Variants in CRPPA observed in about 807,000 individuals in gnomAD.
CRPPA encodes CDP-L-ribitol pyrophosphorylase A, also known as D-ribitol-5-phosphate cytidylyltransferase.
In CRPPA, 43 loss-of-function variants were observed where a neutral mutation model predicts 52.0. The observed-to-expected ratio is 0.83, with a 90% CI of 0.65 to 1.07. The LOEUF is 1.07. Among genes scored for constraint, CRPPA ranks in the 50% least tolerant of loss-of-function variants. The probability of loss-of-function intolerance (pLI) is 0.00; values close to 1 mark genes in which losing one functional copy is unlikely to be tolerated. For missense variants in CRPPA, 629 were observed against 551.7 expected (o/e 1.14, Z -1.40); for synonymous variants, 250 against 203.5 (o/e 1.23, Z -1.94).
rs183103572 is a variant in CRPPA at position 16,134,072 on chromosome 7, C to A, written c.1252-42273G>T. 7.1e-3 allele frequency among the ~76,000 whole-genome samples: 880 copies of A among 123,892 alleles called. 128 individuals carry two copies. Among genetic ancestry groups the A allele is most frequent in the African/African-American group, 0.022 (849 of 38,246 alleles). The allele number at this position is 123,892 out of a possible 152,430, so 81.3% of individuals were successfully genotyped here. ...TCAGCCTCCCGAGCAGCTGGGACTA[C>A]AGGCGCCCGCCACCACGCCCGGCTA... On this transcript the variant is annotated intron_variant, in intron 9 of 9. Coordinates refer to ENST00000407010, the MANE Select transcript of CRPPA (RefSeq NM_001101426.4).
intron 3 of CRPPA, among the ~76,000 whole-genome samples, chr7:16,356,953 A>T (rs1164283509): frequency 1.3e-5 from 2 of 152,296 alleles, no homozygotes; most frequent in East Asian, 3.9e-4. Context: ...GTTCTCTGGG[A>T]TATCAATGAA....
At chr7:16,143,703 G>C (rs894175619) in intron 9 of CRPPA, among the ~76,000 whole-genome samples, 8 of 152,176 alleles carry the variant, frequency 5.3e-5, no homozygotes, top group African/African-American at 1.9e-4. Flanking sequence ...ATTAGCAATG[G>C]AAAGAGCAAT....
intron 9 of CRPPA, among the ~76,000 whole-genome samples, chr7:16,184,838 T>C (rs1781475320): frequency 6.6e-6 from 1 of 152,208 alleles, no homozygotes; most frequent in Admixed American, 6.5e-5. Context: ...ATATTTCCCA[T>C]GTTTCTCATA....
chr7:16,246,621 T>C (rs979048827), intron 8 of CRPPA, among the ~76,000 whole-genome samples: 1 of 152,196 alleles, frequency 6.6e-6, no homozygotes, highest in Non-Finnish European at 1.5e-5. Context: ...CGAATAAATG[T>C]TGTGTTAGCA....
At chr7:16,150,180 C>A (rs1783050062) in intron 9 of CRPPA, among the ~76,000 whole-genome samples, 1 of 151,932 alleles carries the variant, frequency 6.6e-6, no homozygotes, top group East Asian at 1.9e-4. Flanking sequence ...TTTAAATGAG[C>A]AAAATGCCTT....
intron 9 of CRPPA, among the ~76,000 whole-genome samples, chr7:16,173,930 C>T (rs2128385967): frequency 6.6e-6 from 1 of 152,156 alleles, no homozygotes; most frequent in South Asian, 2.1e-4. Context: ...AAGTAGCTTA[C>T]TATATTGAGA....
At chr7:16,131,038 T>C (rs1379868486) in intron 9 of CRPPA, among the ~76,000 whole-genome samples, 1 of 152,232 alleles carries the variant, frequency 6.6e-6, no homozygotes, top group East Asian at 1.9e-4. Context: ...CACCTTGAAC[T>C]TGCCAGTTTC....
At chr7:16,305,891 A>G (rs562276833) in intron 4 of CRPPA, among the ~76,000 whole-genome samples, 104 of 152,256 alleles carry the variant, frequency 6.8e-4, no homozygotes, top group Non-Finnish European at 1.3e-3. Flanking sequence ...AAACAAACAA[A>G]CAAAAAAATT....
At chr7:16,359,631 G>C (rs1460646608) in intron 3 of CRPPA, among the ~76,000 whole-genome samples, 4 of 152,158 alleles carry the variant, frequency 2.6e-5, no homozygotes, top group Admixed American at 2.6e-4. Context: ...ATGCCTTTCA[G>C]TTAATTTTTA....
chr7:16,192,205 G>A (rs6976322), intron 9 of CRPPA, among the ~76,000 whole-genome samples: 44,809 of 151,878 alleles, frequency 0.3, 6,974 homozygotes, highest in East Asian at 0.51. Flanking sequence ...AGAGAACAGA[G>A]GCATCCTCTC....
At chr7:16,214,693 A>T (rs1373279819) in intron 9 of CRPPA, among the ~76,000 whole-genome samples, 1 of 152,048 alleles carries the variant, frequency 6.6e-6, no homozygotes, top group African/African-American at 2.4e-5. Flanking sequence ...TTTTGTAGAG[A>T]CAAGGGTTTC....
At chr7:16,330,827 C>T (rs62441911) in intron 3 of CRPPA, among the ~76,000 whole-genome samples, 41,529 of 151,982 alleles carry the variant, frequency 0.27, 5,874 homozygotes, top group Admixed American at 0.33. Context: ...CCTAAACTGC[C>T]AAAGGTTTTA....
chr7:16,151,613 T>G (rs1425189943), intron 9 of CRPPA, among the ~76,000 whole-genome samples: 1 of 152,076 alleles, frequency 6.6e-6, no homozygotes, highest in Non-Finnish European at 1.5e-5. Flanking sequence ...AAAATAAAAT[T>G]GATTATCTTC....
chr7:16,145,229 A>G (rs1235180099), intron 9 of CRPPA, among the ~76,000 whole-genome samples: 4 of 152,222 alleles, frequency 2.6e-5, no homozygotes, highest in Non-Finnish European at 5.9e-5. Context: ...AGGAAGCTAC[A>G]CTAATCTGTG....
chr7:16,335,724 T>C (rs1785664141), intron 3 of CRPPA, among the ~76,000 whole-genome samples: 1 of 152,100 alleles, frequency 6.6e-6, no homozygotes. Context: ...AAAGAAACAA[T>C]GGTTGAAAAT....
At chr7:16,326,916 G>C (rs1785406961) in intron 3 of CRPPA, among the ~76,000 whole-genome samples, 1 of 152,032 alleles carries the variant, frequency 6.6e-6, no homozygotes, top group African/African-American at 2.4e-5. Flanking sequence ...AATGCTATTT[G>C]TATTTTCACT....
intron 9 of CRPPA, among the ~76,000 whole-genome samples, chr7:16,103,949 A>G (rs1782099137): frequency 6.6e-6 from 1 of 152,186 alleles, no homozygotes; most frequent in African/African-American, 2.4e-5. Flanking sequence ...TTAATGCAAA[A>G]AAAAGAATAA....
intron 9 of CRPPA, among the ~76,000 whole-genome samples, chr7:16,097,320 T>G (rs1781956169): frequency 6.6e-6 from 1 of 152,158 alleles, no homozygotes; most frequent in Non-Finnish European, 1.5e-5. Flanking sequence ...TCATAATAGC[T>G]GTGTTTTAAG....
intron 9 of CRPPA, among the ~76,000 whole-genome samples, chr7:16,211,532 T>C (rs1051100946): frequency 6.6e-6 from 1 of 152,186 alleles, no homozygotes; most frequent in Non-Finnish European, 1.5e-5. Flanking sequence ...TAATTGTTCA[T>C]TGCAGAAAGT....
Sources: gnomAD v4.1 joint callset for allele counts (sites outside exome capture counted in the v4.1 genomes callset) on GRCh38, gnomAD v4.1.1 for gene constraint, MANE v1.5 for transcripts, NCBI Gene and HGNC (gene_info 2026-07-23, HGNC 2026-07-21) for gene names.